ATG7: variants seen among roughly 807,000 people sequenced by gnomAD.
ATG7 encodes the protein autophagy related 7.
Under a neutral mutation model 82.4 loss-of-function variants are expected in ATG7, and 70 were observed. The observed-to-expected ratio is 0.85, with a 90% CI of 0.70 to 1.04. The LOEUF is 1.04. Among genes scored for constraint, ATG7 ranks in the 50% least tolerant of loss-of-function variants. ATG7 has a pLI of 0.00. For synonymous variants in ATG7, 287 were observed against 313.0 expected, an observed-to-expected ratio of 0.92 and a Z score of 0.88; for missense variants, 792 against 864.3, an observed-to-expected ratio of 0.92 and a Z score of 1.05.
At chr3:11,318,406 T>G (rs1033691195) in intron 9 of ATG7, among the ~76,000 whole-genome samples, 13 of 152,214 alleles carry the variant, frequency 8.5e-5, no homozygotes, top group African/African-American at 3.1e-4. Flanking sequence ...TTCAGAGAAT[T>G]GATACGGGTG....
Position 11,451,851 on chromosome 3 carries a change from A to C in ATG7, c.2079+24925A>C, listed in dbSNP as rs559030853. ...TGTCTCTCTCTATCTCTCTCTCTAT[A>C]TATATATACGCCTTTACATACACAC... On this transcript the variant is annotated intron_variant, in intron 20 of 20. Coordinates refer to ENST00000693202, the MANE Select transcript of ATG7 (RefSeq NM_001349232.2). Among the ~76,000 whole-genome samples the C allele has an allele frequency of 1.2e-3, 181 of 150,290 alleles. 1 individual carries two copies. The highest frequency in any genetic ancestry group is 3.8e-3 in the African/African-American group (157 of 40,904).
At chr3:11,515,295 C>T (rs201823363) in intron 20 of ATG7, among the ~76,000 whole-genome samples, 2 of 37,132 alleles carry the variant, frequency 5.4e-5, no homozygotes, top group Non-Finnish European at 1.0e-4. Context: ...GTGTCTCTTG[C>T]GCGTGTGTGT....
the ATG7 span, chr3:11,564,930 A>G: frequency 1.3e-4 from 212 of 1,588,576 alleles, no homozygotes; most frequent in Non-Finnish European, 1.7e-4. Flanking sequence ...GCTGCCGTGC[A>G]GGCTCATGGT....
At chr3:11,296,302 G>T (rs1945904450) in intron 3 of ATG7, among the ~76,000 whole-genome samples, 2 of 151,936 alleles carry the variant, frequency 1.3e-5, no homozygotes, top group Non-Finnish European at 2.9e-5. Context: ...GCCTCTCAAG[G>T]GTCTTCTCTT....
At position 11,313,052 on chromosome 3, in the gene ATG7, G is replaced by A. The variant is rs563592993; in HGVS notation, c.412-252G>A. Among the ~76,000 whole-genome samples the A allele has an allele frequency of 5.3e-5, 8 of 152,272 alleles. No individual in the cohort carries two copies. In the South Asian group the frequency reaches 1.7e-3, roughly 32 times the overall value. Reference sequence around the variant, plus strand: ...ATTACATATTGCACATTTTCTGTTAGCAAGTGGTCAATAAAGTATATTATG... The same window carrying A: ...ATTACATATTGCACATTTTCTGTTAACAAGTGGTCAATAAAGTATATTATG... On this transcript the variant is annotated intron_variant, in intron 7 of 20. Transcript: ENST00000693202.
At chr3:11,435,919 A>C (rs1323199991) in intron 20 of ATG7, among the ~76,000 whole-genome samples, 1 of 152,192 alleles carries the variant, frequency 6.6e-6, no homozygotes, top group African/African-American at 2.4e-5. Flanking sequence ...ATACCTGATA[A>C]GGGTGTGGTA....
At chr3:11,301,460 C>T (rs1254629117) in intron 5 of ATG7, among the ~76,000 whole-genome samples, 1 of 151,998 alleles carries the variant, frequency 6.6e-6, no homozygotes, top group African/African-American at 2.4e-5. Context: ...TTTTTTTAAT[C>T]TCAGAAAATC....
At chr3:11,485,367 C>T (rs1018951497) in intron 20 of ATG7, among the ~76,000 whole-genome samples, 43 of 152,142 alleles carry the variant, frequency 2.8e-4, no homozygotes, top group Non-Finnish European at 4.7e-4. Flanking sequence ...TCATATTCTT[C>T]GCCCACTTTT....
chr3:11,520,620 G>A (rs972433242), intron 20 of ATG7, among the ~76,000 whole-genome samples: 1 of 152,110 alleles, frequency 6.6e-6, no homozygotes, highest in African/African-American at 2.4e-5. Flanking sequence ...ACAAGTGTGG[G>A]TGAAAGCAGG....
chr3:11,553,089 C>T (rs904615291), intron 20 of ATG7, among the ~76,000 whole-genome samples: 9 of 152,224 alleles, frequency 5.9e-5, no homozygotes, highest in East Asian at 1.9e-4. Context: ...CCGGAGGACA[C>T]GGCCCACAAT....
chr3:11,306,820 A>G lies in ATG7; in HGVS notation c.216-123A>G, dbSNP rs115513702. 212 of 724,384 alleles carry G rather than the reference A, an allele frequency of 2.9e-4. No individual in the cohort carries two copies. The African/African-American group carries it at 3.3e-3, about 11-fold the overall frequency. 44.9% of individuals were successfully genotyped at this position (724,384 alleles called of 1,614,324 possible). On this transcript the variant is annotated intron_variant, in intron 5 of 20. Transcript: ENST00000693202. ...TTCATCTTTTTCCAAGAAAACATAC[A>G]GTTAATCTTCTGTTTGCCCTGCAGA...
chr3:11,492,743 A>C (rs2090483295), intron 20 of ATG7, among the ~76,000 whole-genome samples: 1 of 151,932 alleles, frequency 6.6e-6, no homozygotes, highest in Admixed American at 6.6e-5. Context: ...GCAGGACCAA[A>C]CTCTTGTTTG....
downstream of ATG7, chr3:11,558,543 G>A (rs1189928849): frequency 1.9e-6 from 3 of 1,597,156 alleles, no homozygotes; most frequent in Middle Eastern, 1.6e-4. Context: ...TGTTGTTGGA[G>A]GAGGCGCTCC....
intron 20 of ATG7, chr3:11,510,452 A>G: frequency 7.6e-6 from 2 of 262,254 alleles, no homozygotes; most frequent in Non-Finnish European, 1.4e-5. Flanking sequence ...CTTTCTCCCC[A>G]CCCCCTCCCC....
chr3:11,309,443 G>A (rs887596740), intron 7 of ATG7, among the ~76,000 whole-genome samples: 1 of 131,530 alleles, frequency 7.6e-6, no homozygotes, highest in Non-Finnish European at 1.6e-5. Context: ...CCACAAAATC[G>A]CTTGTTGATT....
chr3:11,302,366 G>A (rs1036995719), intron 5 of ATG7, among the ~76,000 whole-genome samples: 1 of 152,146 alleles, frequency 6.6e-6, no homozygotes, highest in African/African-American at 2.4e-5. Flanking sequence ...TTCTCAGAAG[G>A]CCTGATTTCT....
At chr3:11,453,654 C>G (rs1290363029) in intron 20 of ATG7, among the ~76,000 whole-genome samples, 3 of 152,212 alleles carry the variant, frequency 2.0e-5, no homozygotes, top group Non-Finnish European at 4.4e-5. Context: ...CACAAATAAT[C>G]TCTCTTGGAG....
At chr3:11,368,989 G>A (rs2076817131) in intron 18 of ATG7, among the ~76,000 whole-genome samples, 1 of 150,900 alleles carries the variant, frequency 6.6e-6, no homozygotes, top group African/African-American at 2.5e-5. Flanking sequence ...CTTCAGAAAA[G>A]TAATACAAAG....
At chr3:11,285,804 T>C (rs929664747) in intron 3 of ATG7, among the ~76,000 whole-genome samples, 1 of 152,186 alleles carries the variant, frequency 6.6e-6, no homozygotes, top group Admixed American at 6.5e-5. Context: ...TTACAGAAAT[T>C]CTACAAGAAT....
Sources: allele counts gnomAD v4.1 joint callset (sites outside exome capture counted in the v4.1 genomes callset), GRCh38; gene constraint gnomAD v4.1.1; transcripts MANE v1.5; gene names NCBI Gene and HGNC (gene_info 2026-07-23, HGNC 2026-07-21).